Variants in ATRNL1 observed in about 807,000 individuals in gnomAD.
The protein encoded by ATRNL1 is attractin like 1.
ATRNL1 carries 95 observed loss-of-function variants against 182.7 expected under a neutral mutation model. The ratio of observed to expected loss-of-function variants is 0.52; its 90% confidence interval spans 0.44 to 0.62. ATRNL1 has a LOEUF of 0.62. ATRNL1 is among the 20% of genes least tolerant of loss of function. The pLI, the probability that ATRNL1 is intolerant of heterozygous loss-of-function variation, is 0.00. For missense variants in ATRNL1, 1,471 were observed against 1,679.5 expected, an observed-to-expected ratio of 0.88 and a Z score of 2.17; for synonymous variants, 576 against 568.3, an observed-to-expected ratio of 1.01 and a Z score of -0.19.
intron 26 of ATRNL1, among the ~76,000 whole-genome samples, chr10:115,703,147 T>C (rs1946791435): frequency 1.3e-5 from 2 of 151,654 alleles, no homozygotes; most frequent in Admixed American, 1.3e-4. Flanking sequence ...TCAAAAAAAA[T>C]AAGCAATGAA....
intron 26 of ATRNL1, among the ~76,000 whole-genome samples, chr10:115,636,033 G>C (rs1328945922): frequency 6.6e-6 from 1 of 152,122 alleles, no homozygotes; most frequent in African/African-American, 2.4e-5. Context: ...AGGGCTTTTG[G>C]AGTACTGCTA....
chr10:115,702,381 C>G (rs1555051769), intron 26 of ATRNL1, among the ~76,000 whole-genome samples: 1 of 152,052 alleles, frequency 6.6e-6, no homozygotes, highest in Non-Finnish European at 1.5e-5. Flanking sequence ...CTCACTTTCA[C>G]TATTCCTATT....
intron 26 of ATRNL1, among the ~76,000 whole-genome samples, chr10:115,550,608 C>T (rs1306366302): frequency 6.6e-6 from 1 of 151,786 alleles, no homozygotes; most frequent in Non-Finnish European, 1.5e-5. Context: ...GCCAGTGCAG[C>T]ATCAGTGAGG....
rs192465773 is a variant in ATRNL1 at position 115,740,555 on chromosome 10, G to A, written c.3903+13200G>A. 5.6e-4 allele frequency among the ~76,000 whole-genome samples: 85 copies of A among 152,164 alleles called. 1 individual carries two copies. The East Asian group carries it at 0.015, about 26-fold the overall frequency. ...CGGAGTCTTGCTCTGTCCCAGGCTG[G>A]AGTGCAGTGGCACAATCTTGGCTCA... On this transcript the variant is annotated intron_variant, in intron 27 of 28. Coordinates refer to ENST00000355044, the MANE Select transcript of ATRNL1 (RefSeq NM_207303.4).
chr10:115,127,728 A>T lies in ATRNL1; in HGVS notation c.620+7A>T. The T allele has an allele frequency of 2.1e-5, 29 of 1,399,206 alleles. No homozygotes were observed. Among genetic ancestry groups the T allele is most frequent in the Non-Finnish European group, 2.7e-5 (29 of 1,066,106 alleles). The allele number at this position is 1,399,206 out of a possible 1,614,324, so 86.7% of individuals were successfully genotyped here. On this transcript the variant is annotated splice_region_variant and intron_variant, in intron 4 of 28. Coordinates refer to ENST00000355044, the MANE Select transcript of ATRNL1 (RefSeq NM_207303.4). ...GTTTCAACATTTTCTATTCGTAAGT[A>T]TTTTTTAAAAATTCCTTCTTTTAAT...
intron 20 of ATRNL1, among the ~76,000 whole-genome samples, chr10:115,414,369 T>G (rs1845287789): frequency 6.6e-6 from 1 of 151,606 alleles, no homozygotes; most frequent in Non-Finnish European, 1.5e-5. Flanking sequence ...TTCCCTCTTC[T>G]CTTCTTCCCC....
chr10:115,514,964 C>T (rs189619764), intron 24 of ATRNL1, among the ~76,000 whole-genome samples: 126 of 151,858 alleles, frequency 8.3e-4, no homozygotes, highest in South Asian at 2.1e-4. Flanking sequence ...AGCAGTTTCT[C>T]CTCATTATGA....
chr10:115,724,257 G>A (rs1248198742), intron 26 of ATRNL1, among the ~76,000 whole-genome samples: 1 of 152,160 alleles, frequency 6.6e-6, no homozygotes, highest in Non-Finnish European at 1.5e-5. Context: ...GTGGAAGGCA[G>A]TTCCAAATCT....
intron 8 of ATRNL1, among the ~76,000 whole-genome samples, chr10:115,193,696 AT>A (rs1554890404): frequency 6.6e-6 from 1 of 151,396 alleles, no homozygotes; most frequent in Non-Finnish European, 1.5e-5. Flanking sequence ...TTTATTATTG[AT>A]TTAATTTCTG....
intron 7 of ATRNL1, among the ~76,000 whole-genome samples, chr10:115,166,561 T>A (rs555880061): frequency 5.5e-4 from 83 of 152,184 alleles, no homozygotes; most frequent in African/African-American, 1.9e-3. Context: ...CACAGCCTTG[T>A]CAACACTTGT....
chr10:115,341,533 T>C (rs1013450350), intron 19 of ATRNL1, among the ~76,000 whole-genome samples: 2 of 152,192 alleles, frequency 1.3e-5, no homozygotes, highest in South Asian at 2.1e-4. Context: ...ATTTGGTCTA[T>C]AGTGCAGATT....
At chr10:115,403,943 C>T (rs1844702523) in intron 20 of ATRNL1, among the ~76,000 whole-genome samples, 1 of 152,072 alleles carries the variant, frequency 6.6e-6, no homozygotes, top group Admixed American at 6.6e-5. Context: ...TGAGACAGTA[C>T]CAAAAGCATA....
At chr10:115,172,367 A>T (rs183935474) in intron 8 of ATRNL1, among the ~76,000 whole-genome samples, 2 of 146,680 alleles carry the variant, frequency 1.4e-5, no homozygotes, top group African/African-American at 4.8e-5. Flanking sequence ...TTGCTCTCAG[A>T]TGGCTGTGTT....
intron 20 of ATRNL1, among the ~76,000 whole-genome samples, chr10:115,402,841 C>T (rs1223009685): frequency 6.6e-6 from 1 of 152,106 alleles, no homozygotes; most frequent in Non-Finnish European, 1.5e-5. Flanking sequence ...GCTTAAGACC[C>T]TGGTTCTCAG....
At chr10:115,441,236 A>G (rs1325141756) in intron 21 of ATRNL1, among the ~76,000 whole-genome samples, 5 of 151,896 alleles carry the variant, frequency 3.3e-5, no homozygotes, top group African/African-American at 9.7e-5. Context: ...ATGTTTTAAT[A>G]TATCTTATGT....
chr10:115,441,329 A>T (rs1846669514), intron 21 of ATRNL1, among the ~76,000 whole-genome samples: 1 of 151,848 alleles, frequency 6.6e-6, no homozygotes, highest in Admixed American at 6.6e-5. Flanking sequence ...AACCCTTCTC[A>T]AAATAGTTGC....
In ATRNL1 at chr10:115,118,222, A is replaced by G. The variant is rs371467663; in HGVS notation, c.294-1963A>G. Among the ~76,000 whole-genome samples, 121 of 151,876 alleles carry G rather than the reference A, an allele frequency of 8.0e-4. 2 individuals are homozygous for G. In the South Asian group the frequency reaches 0.025, roughly 31 times the overall value. ...TAACTTGATGTGATCCCATTTGTCCATTTTTGCTTTGGTTGTCTGTGCTTG... is the reference window on the plus strand; with the variant it reads ...TAACTTGATGTGATCCCATTTGTCCGTTTTTGCTTTGGTTGTCTGTGCTTG... On this transcript the variant is annotated intron_variant, in intron 1 of 28. Transcript: ENST00000355044.
chr10:115,297,733 T>C lies in ATRNL1; in HGVS notation c.2416-2301T>C, dbSNP rs1442870774. Among the ~76,000 whole-genome samples, 7 of 152,096 alleles carry C rather than the reference T, an allele frequency of 4.6e-5. No individual in the cohort carries two copies. In the East Asian group the frequency reaches 5.8e-4, roughly 13 times the overall value. On this transcript the variant is annotated intron_variant, in intron 15 of 28. Coordinates refer to ENST00000355044, the MANE Select transcript of ATRNL1 (RefSeq NM_207303.4). ...ACTACCACTTATGCAGAGCTTATTATTGGCAGATTCAAATTCCCTGATATT... is the reference window on the plus strand; with the variant it reads ...ACTACCACTTATGCAGAGCTTATTACTGGCAGATTCAAATTCCCTGATATT...
intron 24 of ATRNL1, among the ~76,000 whole-genome samples, chr10:115,508,729 A>G (rs1554981926): frequency 6.6e-6 from 1 of 152,054 alleles, no homozygotes; most frequent in African/African-American, 2.4e-5. Context: ...AAGATGCAGA[A>G]GAAAATTTGG....
Sources: gnomAD v4.1 joint callset for allele counts (sites outside exome capture counted in the v4.1 genomes callset) on GRCh38, gnomAD v4.1.1 for gene constraint, MANE v1.5 for transcripts, NCBI Gene and HGNC (gene_info 2026-07-23, HGNC 2026-07-21) for gene names.